TMEM178B: variants seen among roughly 807,000 people sequenced by gnomAD.
The protein encoded by TMEM178B is transmembrane protein 178B.
TMEM178B carries 5 observed loss-of-function variants against 31.0 expected under a neutral mutation model. That is an observed-to-expected ratio of 0.16 (90% CI 0.08 to 0.34). The LOEUF is 0.34. TMEM178B is among the 10% of genes least tolerant of loss of function. TMEM178B has a pLI of 1.00. For synonymous variants in TMEM178B, 164 were observed against 164.0 expected (o/e 1.00, Z 0.00); for missense variants, 275 against 400.3 (o/e 0.69, Z 2.67).
intron 1 of TMEM178B, among the ~76,000 whole-genome samples, chr7:141,163,342 T>C (rs1796206682): frequency 6.6e-6 from 1 of 151,988 alleles, no homozygotes; most frequent in African/African-American, 2.4e-5. Context: ...CACCATATGA[T>C]ATTGACCAAA....
At chr7:141,308,585 C>A (rs961397488) in intron 2 of TMEM178B, among the ~76,000 whole-genome samples, 3 of 152,060 alleles carry the variant, frequency 2.0e-5, no homozygotes, top group Admixed American at 6.6e-5. Flanking sequence ...TTCTGTAGAA[C>A]CCCAATATGT....
intron 1 of TMEM178B, among the ~76,000 whole-genome samples, chr7:141,195,450 AC>A (rs1158703561): frequency 1.8e-4 from 27 of 152,254 alleles, no homozygotes; most frequent in Middle Eastern, 3.4e-3. Flanking sequence ...AACAGGAGTC[AC>A]CTTTACTCCA....
chr7:141,468,349 C>A (rs1418736592), intron 3 of TMEM178B, among the ~76,000 whole-genome samples: 1 of 152,172 alleles, frequency 6.6e-6, no homozygotes, highest in Non-Finnish European at 1.5e-5. Context: ...CTGCCCTAAC[C>A]CATGCCGAGT....
chr7:141,258,161 CATATATAT>C (rs56343433), intron 2 of TMEM178B, among the ~76,000 whole-genome samples: 3 of 146,858 alleles, frequency 2.0e-5, no homozygotes, highest in African/African-American at 5.0e-5. Flanking sequence ...ATTATTATCT[CATATATAT>C]ATATATATAT....
chr7:141,164,487 T>C (rs768358967), intron 1 of TMEM178B, among the ~76,000 whole-genome samples: 4 of 152,212 alleles, frequency 2.6e-5, no homozygotes, highest in Non-Finnish European at 5.9e-5. Flanking sequence ...GTTTGCTTTG[T>C]TGCCGGTGAT....
chr7:141,387,020 T>C (rs1354547134), intron 2 of TMEM178B, among the ~76,000 whole-genome samples: 3 of 152,172 alleles, frequency 2.0e-5, no homozygotes, highest in African/African-American at 7.2e-5. Context: ...TCCAGGAGGT[T>C]GGGATGCTTA....
At chr7:141,336,684 T>C (rs1799394680) in intron 2 of TMEM178B, among the ~76,000 whole-genome samples, 1 of 151,714 alleles carries the variant, frequency 6.6e-6, no homozygotes, top group Non-Finnish European at 1.5e-5. Flanking sequence ...ATACTGCTCA[T>C]ACACTATTGT....
At chr7:141,139,857 T>C (rs1354227597) in intron 1 of TMEM178B, among the ~76,000 whole-genome samples, 1 of 151,874 alleles carries the variant, frequency 6.6e-6, no homozygotes, top group Non-Finnish European at 1.5e-5. Flanking sequence ...CCTTCACCTT[T>C]TGGATTCAAG....
chr7:141,432,146 CTTTTTTTTTTTTT>C (rs71170797), intron 2 of TMEM178B, among the ~76,000 whole-genome samples: 1 of 79,082 alleles, frequency 1.3e-5, no homozygotes, highest in Non-Finnish European at 2.3e-5. Context: ...TTCACTGCAT[CTTTTTTTTTTTTT>C]TTTTTTTTTT....
At chr7:141,337,606 A>C (rs1021604984) in intron 2 of TMEM178B, among the ~76,000 whole-genome samples, 1 of 152,182 alleles carries the variant, frequency 6.6e-6, no homozygotes, top group African/African-American at 2.4e-5. Context: ...AGAGTTAATA[A>C]GTGGTGATGA....
intron 2 of TMEM178B, among the ~76,000 whole-genome samples, chr7:141,407,526 A>G (rs1800905649): frequency 6.6e-6 from 1 of 152,284 alleles, no homozygotes; most frequent in East Asian, 1.9e-4. Flanking sequence ...TATGCTTTGA[A>G]TAGCTTACAT....
intron 2 of TMEM178B, among the ~76,000 whole-genome samples, chr7:141,301,694 G>C (rs1359946180): frequency 6.6e-6 from 1 of 152,208 alleles, no homozygotes; most frequent in Non-Finnish European, 1.5e-5. Flanking sequence ...CTTGCCATGT[G>C]GGAAGTGTTG....
chr7:141,189,880 G>A (rs2129184849), intron 1 of TMEM178B, among the ~76,000 whole-genome samples: 1 of 152,304 alleles, frequency 6.6e-6, no homozygotes, highest in Non-Finnish European at 1.5e-5. Flanking sequence ...AGCTGTGCGT[G>A]TGGAACCCTG....
At position 141,245,117 on chromosome 7, in the gene TMEM178B, C is replaced by T. The variant is rs147728019; in HGVS notation, c.496+32413C>T. On this transcript the variant is annotated intron_variant, in intron 2 of 3. Coordinates refer to ENST00000565468, the MANE Select transcript of TMEM178B (RefSeq NM_001195278.2). ...GGCGGAGGTTGCAGTGAGCCGAGAT[C>T]GCACCACTGGACTCCGAACTCCAGC... is the stretch of plus-strand genomic sequence containing the variant. 6.5e-3 allele frequency among the ~76,000 whole-genome samples: 835 copies of T among 128,976 alleles called. 5 individuals carry two copies. The highest frequency in any genetic ancestry group is 0.015 in the Middle Eastern group (3 of 200). The allele number at this position is 128,976 out of a possible 152,430, so 84.6% of individuals were successfully genotyped here.
intron 1 of TMEM178B, among the ~76,000 whole-genome samples, chr7:141,202,166 AAGCTATTGTTAAAATGAATAACAGT>A (rs1796888664): frequency 6.6e-6 from 1 of 152,230 alleles, no homozygotes; most frequent in South Asian, 2.1e-4. Context: ...CATTAAACAG[AAGCTATTGTTAAAATGAATAACAGT>A]ACTCAAAGCA....
chr7:141,305,513 C>T (rs1041833811), intron 2 of TMEM178B, among the ~76,000 whole-genome samples: 6 of 151,892 alleles, frequency 4.0e-5, no homozygotes, highest in African/African-American at 1.2e-4. Flanking sequence ...CTTCAACCCC[C>T]GCCTCCAGGA....
At chr7:141,276,000 G>A (rs1416532834) in intron 2 of TMEM178B, among the ~76,000 whole-genome samples, 3 of 152,182 alleles carry the variant, frequency 2.0e-5, no homozygotes, top group Non-Finnish European at 4.4e-5. Context: ...CTTTTATAGA[G>A]GGAATCCCAT....
chr7:141,297,115 G>C (rs1430511027), intron 2 of TMEM178B: 1 of 152,176 alleles, frequency 6.6e-6, no homozygotes, highest in Non-Finnish European at 1.5e-5. Context: ...AAGACTTTGC[G>C]TTGTATGTAC....
chr7:141,140,462 C>T (rs1308912870), intron 1 of TMEM178B, among the ~76,000 whole-genome samples: 1 of 152,210 alleles, frequency 6.6e-6, no homozygotes, highest in East Asian at 1.9e-4. Flanking sequence ...AGAGTTCTTA[C>T]AAATCCTGCC....
Sources: gnomAD v4.1 joint callset for allele counts (sites outside exome capture counted in the v4.1 genomes callset) on GRCh38, gnomAD v4.1.1 for gene constraint, MANE v1.5 for transcripts, NCBI Gene and HGNC (gene_info 2026-07-23, HGNC 2026-07-21) for gene names.